GRIK2: variants seen among roughly 807,000 people sequenced by gnomAD.
GRIK2 encodes glutamate receptor ionotropic, kainate 2.
GRIK2 carries 32 observed loss-of-function variants against 100.3 expected under a neutral mutation model. The ratio of observed to expected loss-of-function variants is 0.32; its 90% CI spans 0.24 to 0.43. GRIK2 has a LOEUF of 0.43. Ranked by LOEUF, GRIK2 falls within the 20% of genes least tolerant of loss-of-function variation. GRIK2 has a pLI of 1.00. For synonymous variants in GRIK2, 417 were observed against 389.4 expected, an observed-to-expected ratio of 1.07 and a Z score of -0.83; for missense variants, 843 against 1,114.9, an observed-to-expected ratio of 0.76 and a Z score of 3.47.
intron 5 of GRIK2, among the ~76,000 whole-genome samples, chr6:101,677,043 A>G (rs1307957021): frequency 6.6e-6 from 1 of 152,142 alleles, no homozygotes; most frequent in Admixed American, 6.6e-5. Context: ...AATGACTGCA[A>G]TGCTGTTGGT....
At chr6:101,766,473 A>G (rs752660392) in intron 7 of GRIK2, among the ~76,000 whole-genome samples, 2 of 152,152 alleles carry the variant, frequency 1.3e-5, no homozygotes, top group African/African-American at 2.4e-5. Flanking sequence ...ATAGTATTCA[A>G]TTGGAAGAAT....
At chr6:101,780,643 C>G in intron 7 of GRIK2, among the ~76,000 whole-genome samples, 1 of 152,130 alleles carries the variant, frequency 6.6e-6, no homozygotes, top group Non-Finnish European at 1.5e-5. Flanking sequence ...TGTTTCCCCT[C>G]CACTTCTCTC....
At chr6:101,538,314 G>A (rs954185383) in intron 2 of GRIK2, among the ~76,000 whole-genome samples, 4 of 151,640 alleles carry the variant, frequency 2.6e-5, no homozygotes, top group African/African-American at 9.7e-5. Flanking sequence ...CCTGATCTCT[G>A]TGTTTGTATG....
chr6:101,752,789 A>G (rs530128940), intron 7 of GRIK2, among the ~76,000 whole-genome samples: 1 of 152,322 alleles, frequency 6.6e-6, no homozygotes, highest in East Asian at 1.9e-4. Flanking sequence ...AATATTGCAT[A>G]TGTAAGAGTA....
intron 7 of GRIK2, among the ~76,000 whole-genome samples, chr6:101,704,163 G>T (rs150899897): frequency 6.6e-6 from 1 of 151,832 alleles, no homozygotes; most frequent in Admixed American, 6.6e-5. Flanking sequence ...CAGAAGGACA[G>T]TTAAGTCAGC....
chr6:101,735,590 T>A (rs1583044742), intron 7 of GRIK2, among the ~76,000 whole-genome samples: 1 of 151,188 alleles, frequency 6.6e-6, no homozygotes, highest in African/African-American at 2.4e-5. Flanking sequence ...TTTAAAAACA[T>A]CAGACCTCGT....
intron 14 of GRIK2, among the ~76,000 whole-genome samples, chr6:101,980,453 G>A (rs1006981087): frequency 6.6e-6 from 1 of 151,850 alleles, no homozygotes; most frequent in East Asian, 1.9e-4. Flanking sequence ...AAGCAGGGGA[G>A]GAATATAAGA....
chr6:101,980,247 G>C (rs1429403810), intron 14 of GRIK2, among the ~76,000 whole-genome samples: 1 of 151,888 alleles, frequency 6.6e-6, no homozygotes, highest in East Asian at 1.9e-4. Flanking sequence ...AAGATAATTT[G>C]AAAAGTACAA....
chr6:101,554,248 G>A (rs1037430729), intron 2 of GRIK2, among the ~76,000 whole-genome samples: 6 of 152,108 alleles, frequency 3.9e-5, no homozygotes, highest in Admixed American at 1.3e-4. Flanking sequence ...GAGACACAAA[G>A]GGACAGAGCT....
At chr6:101,498,796 A>G (rs537811992) in intron 2 of GRIK2, among the ~76,000 whole-genome samples, 1 of 152,208 alleles carries the variant, frequency 6.6e-6, no homozygotes, top group East Asian at 1.9e-4. Flanking sequence ...AGATTGCAAA[A>G]ATTGTCTCCC....
chr6:101,649,334 G>A (rs1175276219), intron 4 of GRIK2, among the ~76,000 whole-genome samples: 1 of 152,122 alleles, frequency 6.6e-6, no homozygotes, highest in Non-Finnish European at 1.5e-5. Context: ...CATTGAAGAA[G>A]TAAAGAAGTT....
intron 7 of GRIK2, among the ~76,000 whole-genome samples, chr6:101,714,464 T>TA (rs144928990): frequency 0.2 from 29,640 of 151,264 alleles, 3,267 homozygotes; most frequent in East Asian, 0.43. Context: ...CTTTTGAGCT[T>TA]AAAAAAAATA....
At chr6:101,522,959 A>T (rs1195463872) in intron 2 of GRIK2, among the ~76,000 whole-genome samples, 1 of 151,334 alleles carries the variant, frequency 6.6e-6, no homozygotes, top group Non-Finnish European at 1.5e-5. Context: ...TAATGAACTA[A>T]TGAGTTTCTA....
At chr6:101,844,639 G>T (rs969997338) in intron 10 of GRIK2, among the ~76,000 whole-genome samples, 1 of 152,136 alleles carries the variant, frequency 6.6e-6, no homozygotes, top group African/African-American at 2.4e-5. Context: ...TTATATGATT[G>T]TGCTAGATGT....
chr6:101,612,996 A>G (rs9390763), intron 2 of GRIK2, among the ~76,000 whole-genome samples: 27,006 of 151,722 alleles, frequency 0.18, 2,644 homozygotes, highest in East Asian at 0.29. Context: ...TAGGAAGTTG[A>G]ATAATAAGAT....
chr6:101,759,373 G>C (rs1011753567), intron 7 of GRIK2, among the ~76,000 whole-genome samples: 3 of 152,066 alleles, frequency 2.0e-5, no homozygotes, highest in Non-Finnish European at 4.4e-5. Context: ...CTGAGTAAAA[G>C]AAGGAGGCTC....
chr6:101,461,551 C>T (rs532631517), intron 2 of GRIK2, among the ~76,000 whole-genome samples: 29 of 152,320 alleles, frequency 1.9e-4, no homozygotes, highest in Admixed American at 7.8e-4. Context: ...AAGTTCTTCA[C>T]TCTTAAGGAT....
intron 12 of GRIK2, 28 bp from the exon 13 acceptor site, chr6:101,924,573 G>A: frequency 1.8e-6 from 2 of 1,134,878 alleles, no homozygotes; most frequent in East Asian, 4.7e-5. Context: ...CAATTTAAAT[G>A]TATTCTTTTT....
At chr6:101,478,077 C>T (rs1305138709) in intron 2 of GRIK2, among the ~76,000 whole-genome samples, 1 of 151,964 alleles carries the variant, frequency 6.6e-6, no homozygotes. Flanking sequence ...ATTACCTTTA[C>T]CAAAAAGTAC....
Sources: gnomAD v4.1 joint callset for allele counts (sites outside exome capture counted in the v4.1 genomes callset) on GRCh38, gnomAD v4.1.1 for gene constraint, MANE v1.5 for transcripts, NCBI Gene and HGNC (gene_info 2026-07-23, HGNC 2026-07-21) for gene names.